The following KMT2A variants were observed in gnomAD, a reference collection of about 807,000 sequenced individuals.
The protein encoded by KMT2A is histone-lysine N-methyltransferase 2A.
In KMT2A, 16 loss-of-function variants were observed where a neutral mutation model predicts 345.3. The observed-to-expected ratio is 0.05, with a 90% CI of 0.03 to 0.07. The LOEUF is 0.07. Among genes scored for constraint, KMT2A ranks in the 10% least tolerant of loss-of-function variants. The pLI is 1.00. For synonymous variants in KMT2A, 1,599 were observed against 1,778.6 expected, an observed-to-expected ratio of 0.90 and a Z score of 2.54; for missense variants, 3,272 against 4,841.6, an observed-to-expected ratio of 0.68 and a Z score of 9.62.
intron 30 of KMT2A, 88 bp from the exon 31 acceptor site, chr11:118,511,863 T>C (rs1384379085): frequency 6.0e-6 from 6 of 1,007,880 alleles, no homozygotes; most frequent in Non-Finnish European, 9.4e-6. Flanking sequence ...CTGTAGGGAT[T>C]CTAAGCAGTG....
At position 118,481,911 on chromosome 11, in the gene KMT2A, G is replaced by A. The variant is rs1243914646; in HGVS notation, c.3831G>A (p.Ser1277=). 8.7e-6 allele frequency: 14 copies of A among 1,614,046 alleles called. No homozygotes were observed. The highest frequency in any genetic ancestry group is 1.6e-4 in the Middle Eastern group (1 of 6,084). ...AAAAGAGTGAAGAAGGGAATGTCTCGGCCCCTGGGCCTGAATCCAAACAGG... is the reference window on the plus strand; with the variant it reads ...AAAAGAGTGAAGAAGGGAATGTCTCAGCCCCTGGGCCTGAATCCAAACAGG... ...VEEKSEEGNV[S]APGPESKQAT... The change falls in exon 7 of 36, where the codon TCG becomes TCA. Residue 1277 remains serine, a synonymous_variant. Coordinates refer to ENST00000534358, the MANE Select transcript of KMT2A (RefSeq NM_001197104.2).
At chr11:118,451,207 CTTTTTTTTTT>C (rs1167567348) in intron 1 of KMT2A, among the ~76,000 whole-genome samples, 1 of 121,012 alleles carries the variant, frequency 8.3e-6, no homozygotes, top group African/African-American at 3.0e-5. Context: ...CTATCTAATT[CTTTTTTTTTT>C]TTTTTTTTTT....
chr11:118,454,362 G>T (rs967351996), intron 1 of KMT2A, among the ~76,000 whole-genome samples: 1 of 152,126 alleles, frequency 6.6e-6, no homozygotes, highest in Admixed American at 6.5e-5. Context: ...GCCTTTTTCT[G>T]TCTGTCATGC....
chr11:118,453,765 T>C (rs1431535932), intron 1 of KMT2A, among the ~76,000 whole-genome samples: 6 of 152,212 alleles, frequency 3.9e-5, no homozygotes, highest in African/African-American at 1.4e-4. Flanking sequence ...TCATGACCAT[T>C]GTCTGAAGTA....
intron 24 of KMT2A, 34 bp from the exon 25 acceptor site, chr11:118,500,953 C>T (rs782141414): frequency 2.5e-6 from 4 of 1,579,116 alleles, no homozygotes; most frequent in Non-Finnish European, 3.5e-6. Context: ...CTATCCTCTC[C>T]CTTATGATGA....
Position 118,473,950 on chromosome 11 carries a change from A to G in KMT2A, c.2791A>G (p.Thr931Ala), listed in dbSNP as rs1555036737. 1.9e-6 allele frequency: 3 copies of G among 1,614,148 alleles called. No individual in the cohort carries two copies. In the Admixed American group the frequency reaches 5.0e-5, roughly 27 times the overall value. Reference sequence around the variant, plus strand: ...CACTTCATCTTCTGCCAAAAAAGCAACAGGGCGGAAGAAGTCTTCATCACA... The same window carrying G: ...CACTTCATCTTCTGCCAAAAAAGCAGCAGGGCGGAAGAAGTCTTCATCACA... ...VATSSSAKKA[T>A]GRKKSSSHDS... is the part of the protein sequence containing the mutation. Residue 931 changes from threonine to alanine, a missense_variant, in exon 3 of 36, where the codon ACA becomes GCA. Thr to Ala is a moderately conservative substitution (Grantham distance 58). Coordinates refer to ENST00000534358, the MANE Select transcript of KMT2A (RefSeq NM_001197104.2). This position sits in a 1 kb window ranked among gnomAD's most constrained non-coding sequence, Gnocchi z 5.2.
chr11:118,484,161 T>C lies in KMT2A; in HGVS notation c.4087-22T>C, dbSNP rs1289213788. 5 of 1,613,062 alleles carry C rather than the reference T, an allele frequency of 3.1e-6. No homozygotes were observed. The highest frequency in any genetic ancestry group is 1.1e-5 in the South Asian group (1 of 90,824). On this transcript the variant is annotated intron_variant, in intron 8 of 35. Transcript: ENST00000534358. This position sits in a 1 kb window ranked among gnomAD's most constrained non-coding sequence, Gnocchi z 4.1. ...GCAAATAGGGTGTGATTTTGTTCTA[T>C]ATTCATCTTTTGTCTCCTTAGGAAA...
chr11:118,461,540 C>T (rs1949743503), intron 1 of KMT2A, among the ~76,000 whole-genome samples: 1 of 152,130 alleles, frequency 6.6e-6, no homozygotes, highest in South Asian at 2.1e-4. Flanking sequence ...ACATCAGTGT[C>T]AGCAAGGTTT....
chr11:118,465,427 T>A (rs1949825717), intron 1 of KMT2A, among the ~76,000 whole-genome samples: 1 of 152,232 alleles, frequency 6.6e-6, no homozygotes. Flanking sequence ...TTTATATTTT[T>A]AATTTTTATC....
chr11:118,436,738 G>T lies in KMT2A; in HGVS notation c.226G>T (p.Gly76Trp), dbSNP rs1949190966. 1 of 1,582,602 alleles carries T rather than the reference G, an allele frequency of 6.3e-7. No homozygotes were observed. The highest frequency in any genetic ancestry group is 1.4e-5 in the African/African-American group (1 of 72,844). The change falls in exon 1 of 36, where the codon GGG (glycine) becomes TGG (tryptophan). Residue 76 changes from glycine (G) to tryptophan (W), a missense_variant. Around this residue, in one of 27 missense-constraint regions of KMT2A, gnomAD observed 412 missense variants for 511.0 expected, o/e 0.81. Transcript: ENST00000534358. The surrounding 1 kb of genome is among the most constrained non-coding windows in gnomAD (Gnocchi z 6.9). The stretch of plus-strand genomic sequence containing the variant: ...GGGAAGCAGCGGGGCTGGGGTTCCA[G>T]GGGGAGCGGCCGCCGCCTCAGCAGC... ...AAGSSGAGVP[G>W]GAAAASAASS... is the part of the protein sequence containing the mutation.
chr11:118,488,585 A>T, intron 10 of KMT2A, 29 bp from the exon 11 acceptor site: 1 of 1,604,264 alleles, frequency 6.2e-7, no homozygotes, highest in Non-Finnish European at 8.5e-7. Flanking sequence ...TATTTGACAT[A>T]CTTCTATCTT....
chr11:118,478,733 T>C (rs537413789), intron 5 of KMT2A, among the ~76,000 whole-genome samples: 4 of 152,278 alleles, frequency 2.6e-5, no homozygotes, highest in Non-Finnish European at 4.4e-5. Flanking sequence ...TTTCTCACTC[T>C]CTCTTAGAAT....
intron 1 of KMT2A, among the ~76,000 whole-genome samples, chr11:118,447,128 G>A (rs1949438224): frequency 6.6e-6 from 1 of 152,136 alleles, no homozygotes; most frequent in Non-Finnish European, 1.5e-5. Context: ...ACTGCTAGTT[G>A]AAACTGAACT....
At chr11:118,468,913 TTC>T in intron 2 of KMT2A, 69 bp downstream of exon 2, 1 of 1,216,222 alleles carries the variant, frequency 8.2e-7, no homozygotes, top group South Asian at 1.2e-5. Flanking sequence ...TCCTCTTGCC[TTC>T]TTTACATGTA....
chr11:118,469,626 A>G (rs1450834138), intron 2 of KMT2A, among the ~76,000 whole-genome samples: 1 of 152,238 alleles, frequency 6.6e-6, no homozygotes, highest in Non-Finnish European at 1.5e-5. Context: ...GGAGAAAGCT[A>G]TGTATCTTTT....
chr11:118,518,516 C>T (rs949388969), intron 31 of KMT2A, among the ~76,000 whole-genome samples: 20 of 152,106 alleles, frequency 1.3e-4, no homozygotes, highest in African/African-American at 4.8e-4. Context: ...TGCTGTGGCT[C>T]ACACCTGTAA....
intron 1 of KMT2A, among the ~76,000 whole-genome samples, chr11:118,461,700 A>G (rs1175096301): frequency 6.6e-6 from 1 of 152,164 alleles, no homozygotes; most frequent in Admixed American, 6.5e-5. Context: ...CTCTCTCTTC[A>G]GGGCTGTCCA....
intron 28 of KMT2A, 81 bp from the exon 29 acceptor site, chr11:118,509,055 C>A (rs1195409591): frequency 1.7e-6 from 2 of 1,183,382 alleles, no homozygotes; most frequent in Admixed American, 3.8e-5. Context: ...TTGTATACCA[C>A]AGCTGTATAG....
Position 118,525,415 on chromosome 11 carries a change from G to A in KMT2A, c.*3243G>A, listed in dbSNP as rs1333662770. ...ACTTGGTCTCTTGGCTCCCTCCTTG[G>A]CCACCCACCACCTCTCGCACAGCCC... On this transcript the variant is annotated 3_prime_UTR_variant, in exon 36 of 36. Coordinates refer to ENST00000534358, the MANE Select transcript of KMT2A (RefSeq NM_001197104.2). The A allele has an allele frequency of 8.8e-6, 2 of 227,152 alleles. No individual in the cohort carries two copies. Among genetic ancestry groups the A allele is most frequent in the Non-Finnish European group, 1.7e-5 (2 of 114,412 alleles). 14.1% of individuals were successfully genotyped at this position (227,152 alleles called of 1,614,324 possible). A position where few individuals can be genotyped will look rare whatever the true frequency, so the allele number is the denominator to read the frequency against.
Sources: allele counts gnomAD v4.1 joint callset (sites outside exome capture counted in the v4.1 genomes callset), GRCh38; gene constraint gnomAD v4.1.1; regional missense constraint gnomAD v4.1.1; non-coding constraint Gnocchi (gnomAD v3.1); transcripts MANE v1.5; gene names NCBI Gene and HGNC (gene_info 2026-07-23, HGNC 2026-07-21).